MAST4: variants seen among roughly 807,000 people sequenced by gnomAD.
MAST4 encodes microtubule associated serine/threonine kinase family member 4, also known as microtubule-associated serine/threonine-protein kinase 4.
A neutral mutation model predicts 162.7 loss-of-function variants in MAST4; 89 were observed. The observed-to-expected ratio is 0.55, with a 90% CI of 0.46 to 0.65. The LOEUF is 0.65. MAST4 is among the 30% of genes least tolerant of loss of function. The pLI is 0.00. For synonymous variants in MAST4, 1,479 were observed against 1,361.1 expected (o/e 1.09, Z -1.91); for missense variants, 3,153 against 3,374.0 (o/e 0.93, Z 1.62).
intron 4 of MAST4, among the ~76,000 whole-genome samples, chr5:66,979,667 G>A (rs1008556121): frequency 6.6e-6 from 1 of 152,170 alleles, no homozygotes; most frequent in East Asian, 1.9e-4. Context: ...GCTGTCAAGA[G>A]ACCAAATGAG....
chr5:66,675,208 T>C (rs962395456), intron 1 of MAST4, among the ~76,000 whole-genome samples: 3 of 152,230 alleles, frequency 2.0e-5, no homozygotes, highest in Non-Finnish European at 4.4e-5. Flanking sequence ...AGACTGTACA[T>C]GTGTTTAGCT....
At chr5:67,158,570 C>CA (rs956224229) in intron 26 of MAST4, among the ~76,000 whole-genome samples, 1 of 151,282 alleles carries the variant, frequency 6.6e-6, no homozygotes, top group Non-Finnish European at 1.5e-5. Context: ...GACCCCATCT[C>CA]AAAAAAATTT....
chr5:67,017,668 A>G (rs1452847659), intron 4 of MAST4, among the ~76,000 whole-genome samples: 1 of 142,186 alleles, frequency 7.0e-6, no homozygotes, highest in East Asian at 2.0e-4. Context: ...CAATGGTGTG[A>G]TCTCAGCTCA....
Position 66,677,708 on chromosome 5 carries a change from A to G in MAST4, c.363+80690A>G, listed in dbSNP as rs559859805. 1.3e-3 allele frequency among the ~76,000 whole-genome samples: 193 copies of G among 152,290 alleles called. 2 individuals carry two copies. Among genetic ancestry groups the G allele is most frequent in the African/African-American group, 4.5e-3 (189 of 41,562 alleles). On this transcript the variant is annotated intron_variant, in intron 1 of 28. Coordinates refer to ENST00000403625, the MANE Select transcript of MAST4 (RefSeq NM_001164664.2). ...TTCCCGAAGAAGTGATGTTTAAACC[A>G]TGTCTGGAAAAGTGAGTAGAAATGA...
chr5:66,807,352 C>T (rs1484293067), intron 3 of MAST4, among the ~76,000 whole-genome samples: 6 of 152,120 alleles, frequency 3.9e-5, no homozygotes, highest in East Asian at 1.9e-4. Flanking sequence ...AAAAATTAGC[C>T]GGGCGCGGTG....
At chr5:66,899,350 G>A (rs916671652) in intron 3 of MAST4, among the ~76,000 whole-genome samples, 5 of 152,072 alleles carry the variant, frequency 3.3e-5, no homozygotes, top group Non-Finnish European at 7.4e-5. Context: ...AATAATTGTT[G>A]TGGTTGTCTG....
intron 5 of MAST4, among the ~76,000 whole-genome samples, chr5:67,063,651 G>T (rs1759896991): frequency 6.6e-6 from 1 of 151,526 alleles, no homozygotes; most frequent in Non-Finnish European, 1.5e-5. Flanking sequence ...TAAGAACATG[G>T]GTCATCCTGG....
At chr5:66,841,762 C>A (rs1009455616) in intron 3 of MAST4, among the ~76,000 whole-genome samples, 1 of 152,156 alleles carries the variant, frequency 6.6e-6, no homozygotes, top group Non-Finnish European at 1.5e-5. Flanking sequence ...GGGATACACA[C>A]ATTCATACCA....
At chr5:66,723,144 C>T (rs553680779) in intron 1 of MAST4, among the ~76,000 whole-genome samples, 1 of 152,240 alleles carries the variant, frequency 6.6e-6, no homozygotes, top group Admixed American at 6.5e-5. Context: ...AGTGGCACTT[C>T]AGTGAGAAAT....
chr5:66,959,149 G>T, intron 4 of MAST4: 1 of 766,144 alleles, frequency 1.3e-6, no homozygotes, highest in South Asian at 1.4e-5. Flanking sequence ...TGTTAGTCCA[G>T]TCCTTTAGAG....
At chr5:66,749,582 C>T (rs1258334641) in intron 1 of MAST4, among the ~76,000 whole-genome samples, 1 of 152,198 alleles carries the variant, frequency 6.6e-6, no homozygotes, top group East Asian at 1.9e-4. Context: ...TTTGCCTAGA[C>T]AACGAAGTGA....
intron 3 of MAST4, among the ~76,000 whole-genome samples, chr5:66,801,340 C>T (rs1451552942): frequency 6.6e-6 from 1 of 151,878 alleles, no homozygotes; most frequent in Non-Finnish European, 1.5e-5. Flanking sequence ...TTAGGGTGTA[C>T]TTGGAGTGTT....
At chr5:66,837,864 T>TTATATATATATATATATATA (rs1209782576) in intron 3 of MAST4, among the ~76,000 whole-genome samples, 6 of 82,700 alleles carry the variant, frequency 7.3e-5, no homozygotes, top group Admixed American at 1.5e-4. Context: ...AGACTTGATT[T>TTATATATATATATATATATA]TATATATATA....
At chr5:66,813,217 T>A (rs1337368358) in intron 3 of MAST4, among the ~76,000 whole-genome samples, 2 of 152,224 alleles carry the variant, frequency 1.3e-5, no homozygotes, top group African/African-American at 4.8e-5. Flanking sequence ...TCTATTAAAT[T>A]GAAAAAATTG....
At chr5:66,815,380 A>G (rs902513690) in intron 3 of MAST4, among the ~76,000 whole-genome samples, 9 of 152,226 alleles carry the variant, frequency 5.9e-5, no homozygotes, top group Non-Finnish European at 1.0e-4. Context: ...TTACATTCAC[A>G]TGACTTTTAT....
At chr5:67,107,619 G>A (rs766527891) in intron 10 of MAST4, among the ~76,000 whole-genome samples, 10 of 152,222 alleles carry the variant, frequency 6.6e-5, no homozygotes, top group Non-Finnish European at 1.3e-4. Flanking sequence ...TCCCCAGGAT[G>A]CAGTTGTCAG....
At chr5:67,113,313 C>CAAAAAAAA (rs34018550) in intron 11 of MAST4, among the ~76,000 whole-genome samples, 1 of 67,378 alleles carries the variant, frequency 1.5e-5, no homozygotes, top group Non-Finnish European at 2.5e-5. Flanking sequence ...GACTCCGTCT[C>CAAAAAAAA]AAAAAAAAAA....
At position 66,934,214 on chromosome 5, in the gene MAST4, C is replaced by CTTTATTTTATTTTATTTTATTTTAT. The variant is rs541639193; in HGVS notation, c.674+34241_674+34265dup. Among the ~76,000 whole-genome samples, 300 of 150,128 alleles carry CTTTATTTTATTTTATTTTATTTTAT rather than the reference C, an allele frequency of 2.0e-3. 1 individual carries two copies. The highest frequency in any genetic ancestry group is 6.5e-3 in the African/African-American group (265 of 40,714). The stretch of plus-strand genomic sequence containing the variant: ...TATTGACTACTCTGGCAGAGGCTTC[C>CTTTATTTTATTTTATTTTATTTTAT]TTTATTTTATTTTATTTTATTTTAT... On this transcript the variant is annotated intron_variant, in intron 4 of 28. Coordinates refer to ENST00000403625, the MANE Select transcript of MAST4 (RefSeq NM_001164664.2).
chr5:66,616,470 T>TCTGG (rs1743692844), intron 1 of MAST4, among the ~76,000 whole-genome samples: 1 of 152,212 alleles, frequency 6.6e-6, no homozygotes, highest in South Asian at 2.1e-4. Flanking sequence ...TAAGACCAGC[T>TCTGG]CTGGCTGGCT....
Sources: gnomAD v4.1 joint callset for allele counts (sites outside exome capture counted in the v4.1 genomes callset) on GRCh38, gnomAD v4.1.1 for gene constraint, MANE v1.5 for transcripts, NCBI Gene and HGNC (gene_info 2026-07-23, HGNC 2026-07-21) for gene names.